The following LMO7 variants were observed in gnomAD, a reference collection of about 807,000 sequenced individuals.
The protein encoded by LMO7 is LIM domain only protein 7.
LMO7 carries 120 observed loss-of-function variants against 206.5 expected under a neutral mutation model. That is an observed-to-expected ratio of 0.58 (90% CI 0.50 to 0.68). The LOEUF (loss-of-function observed/expected upper bound fraction) is 0.68. Among genes scored for constraint, LMO7 ranks in the 30% least tolerant of loss-of-function variants. The pLI, the probability that LMO7 is intolerant of heterozygous loss-of-function variation, is 0.00. For missense variants in LMO7, 1,959 were observed against 1,957.9 expected, an observed-to-expected ratio of 1.00 and a Z score of -0.01; for synonymous variants, 706 against 681.5, an observed-to-expected ratio of 1.04 and a Z score of -0.56.
At chr13:75,761,994 A>G (rs967447850) in intron 4 of LMO7, among the ~76,000 whole-genome samples, 2 of 152,136 alleles carry the variant, frequency 1.3e-5, no homozygotes, top group Non-Finnish European at 2.9e-5. Flanking sequence ...ATGACCAATT[A>G]TTTTTTCTGA....
intron 1 of LMO7, among the ~76,000 whole-genome samples, chr13:75,679,774 G>T (rs2040319822): frequency 6.6e-6 from 1 of 152,158 alleles, no homozygotes; most frequent in African/African-American, 2.4e-5. Flanking sequence ...TAGAAATGCA[G>T]TTTGCCATGT....
At chr13:75,819,035 C>T (rs1252520438) in intron 12 of LMO7, among the ~76,000 whole-genome samples, 4 of 152,178 alleles carry the variant, frequency 2.6e-5, no homozygotes, top group African/African-American at 7.2e-5. Context: ...AAACATGTTT[C>T]GCAGAACAGC....
In LMO7 at chr13:75,835,240, T is replaced by C. The variant is rs748250443; in HGVS notation, c.3234T>C (p.Pro1078=). 1 of 1,612,194 alleles carries C rather than the reference T, an allele frequency of 6.2e-7. No individual in the cohort carries two copies. The highest frequency in any genetic ancestry group is 1.1e-5 in the South Asian group (1 of 90,818). The change falls in exon 18 of 31, where the codon CCT becomes CCC. Residue 1078 remains proline, a synonymous_variant. Transcript: ENST00000377534. ...TGGCTACCAAAATTATAGGTTCACC[T>C]GAAACAAAGTGGATTGATGCAACTT... ...DVRRYGKAGS[P]ETKWIDATSG...
chr13:75,761,208 T>C (rs1222170346), intron 4 of LMO7, among the ~76,000 whole-genome samples, 170 bp downstream of exon 4: 1 of 152,172 alleles, frequency 6.6e-6, no homozygotes, highest in Admixed American at 6.5e-5. Context: ...GCTTAGGGAC[T>C]GTGAAGGTGA....
Position 75,859,192 on chromosome 13 carries a change from A to T in LMO7, c.*1249A>T, listed in dbSNP as rs2061152637. On this transcript the variant is annotated 3_prime_UTR_variant, in exon 31 of 31. Transcript: ENST00000377534. Reference sequence around the variant, plus strand: ...GTGGAATGGAGGATTCTAGGAACTGAGAACTGTATTGGAATAGGTTCAAAA... The same window carrying T: ...GTGGAATGGAGGATTCTAGGAACTGTGAACTGTATTGGAATAGGTTCAAAA... The T allele has an allele frequency of 6.6e-6, 1 of 152,228 alleles. No homozygotes were observed. The highest frequency in any genetic ancestry group is 2.4e-5 in the African/African-American group (1 of 41,476). 9.4% of individuals were successfully genotyped at this position (152,228 alleles called of 1,614,324 possible).
intron 1 of LMO7, among the ~76,000 whole-genome samples, chr13:75,671,666 T>A (rs1340530496): frequency 6.6e-6 from 1 of 152,244 alleles, no homozygotes; most frequent in Non-Finnish European, 1.5e-5. Context: ...AAATGAGAGC[T>A]AATTCTCCAA....
chr13:75,675,531 C>T (rs2039932769), intron 1 of LMO7, among the ~76,000 whole-genome samples: 2 of 151,884 alleles, frequency 1.3e-5, no homozygotes, highest in Non-Finnish European at 2.9e-5. Flanking sequence ...ACATTTTTTT[C>T]TCCTCCTCTT....
At chr13:75,746,495 G>C (rs2139314578) in intron 3 of LMO7, among the ~76,000 whole-genome samples, 1 of 152,248 alleles carries the variant, frequency 6.6e-6, no homozygotes, top group African/African-American at 2.4e-5. Flanking sequence ...CTGCGGGTGG[G>C]TTTTGTTCAT....
At chr13:75,853,474 A>G in intron 28 of LMO7, 86 bp downstream of exon 28, 3 of 1,267,778 alleles carry the variant, frequency 2.4e-6, no homozygotes, top group South Asian at 1.6e-5. Flanking sequence ...CAAGTTTTCC[A>G]ATGAAGAAGA....
intron 2 of LMO7, chr13:75,631,201 A>G (rs1467097429): frequency 6.6e-6 from 1 of 151,128 alleles, no homozygotes; most frequent in East Asian, 2.0e-4. Flanking sequence ...TAATTTTTGT[A>G]TTTTTAGTAG....
At chr13:75,737,535 C>T (rs1268699403) in intron 3 of LMO7, among the ~76,000 whole-genome samples, 1 of 148,886 alleles carries the variant, frequency 6.7e-6, no homozygotes, top group African/African-American at 2.5e-5. Flanking sequence ...GGGCGGATCA[C>T]GAGGTCAGGA....
chr13:75,723,411 A>G (rs1190114586), intron 2 of LMO7, among the ~76,000 whole-genome samples: 2 of 152,186 alleles, frequency 1.3e-5, no homozygotes, highest in Admixed American at 6.5e-5. Context: ...ATGTTGTTCA[A>G]TGTCATCTTC....
chr13:75,719,778 CAG>C (rs1277859182), intron 2 of LMO7, among the ~76,000 whole-genome samples: 1 of 152,106 alleles, frequency 6.6e-6, no homozygotes, highest in Non-Finnish European at 1.5e-5. Context: ...TTCTTAATAG[CAG>C]TGTGAGAATG....
At chr13:75,766,121 A>G (rs1424276440) in intron 4 of LMO7, among the ~76,000 whole-genome samples, 1 of 152,154 alleles carries the variant, frequency 6.6e-6, no homozygotes, top group East Asian at 1.9e-4. Context: ...GTTAAACCAA[A>G]GAGATATTTT....
At chr13:75,766,164 TG>T (rs1490104495) in intron 4 of LMO7, among the ~76,000 whole-genome samples, 4 of 152,090 alleles carry the variant, frequency 2.6e-5, no homozygotes, top group Non-Finnish European at 5.9e-5. Context: ...AATGATTGTC[TG>T]TAGGGCCGCC....
At chr13:75,629,009 T>C (rs760730238) in intron 2 of LMO7, among the ~76,000 whole-genome samples, 1 of 152,242 alleles carries the variant, frequency 6.6e-6, no homozygotes, top group African/African-American at 2.4e-5. Flanking sequence ...AGGGGACGTC[T>C]GGCGGTGTCT....
Position 75,836,414 on chromosome 13 carries a change from A to T in LMO7, c.3351A>T (p.Glu1117Asp). Residue 1117 changes from glutamate (E) to aspartate (D), a missense_variant, in exon 19 of 31, where the codon GAA becomes GAT. By Grantham distance (45) the Glu-to-Asp change is conservative. Transcript: ENST00000377534. Reference sequence around the variant, plus strand: ...CTTTCCAGAATATTGAATCCAAAGAAATCAATGGAATTCATGATGAAAGCA... The same window carrying T: ...CTTTCCAGAATATTGAATCCAAAGATATCAATGGAATTCATGATGAAAGCA... ...SLQSSNIESKEINGIHDESNA... is the reference protein window; with the variant it reads ...SLQSSNIESKDINGIHDESNA... The T allele has an allele frequency of 6.5e-7, 1 of 1,540,782 alleles. No homozygotes were observed. The highest frequency in any genetic ancestry group is 1.2e-5 in the South Asian group (1 of 84,322).
At chr13:75,718,889 C>A (rs1158170915) in intron 2 of LMO7, among the ~76,000 whole-genome samples, 1 of 152,016 alleles carries the variant, frequency 6.6e-6, no homozygotes, top group Non-Finnish European at 1.5e-5. Flanking sequence ...TGGACTCATA[C>A]AGTGCATAGC....
upstream of LMO7, among the ~76,000 whole-genome samples, chr13:75,633,433 G>A (rs946350764): frequency 3.3e-5 from 5 of 152,158 alleles, no homozygotes; most frequent in Non-Finnish European, 5.9e-5. Context: ...ACCCCAGTAC[G>A]GAAGAATGTG....
Sources: gnomAD v4.1 joint callset for allele counts (sites outside exome capture counted in the v4.1 genomes callset) on GRCh38, gnomAD v4.1.1 for gene constraint, MANE v1.5 for transcripts, NCBI Gene and HGNC (gene_info 2026-07-23, HGNC 2026-07-21) for gene names.